Variants in ITGB1 observed in about 807,000 individuals in gnomAD.
The protein encoded by ITGB1 is integrin beta-1.
ITGB1 carries 24 observed loss-of-function variants against 86.5 expected under a neutral mutation model. That is an observed-to-expected ratio of 0.28 (90% CI 0.20 to 0.39). The LOEUF is 0.39. ITGB1 is among the 10% of genes least tolerant of loss of function. ITGB1 has a pLI of 1.00. For missense variants in ITGB1, 556 were observed against 946.9 expected, an observed-to-expected ratio of 0.59 and a Z score of 5.42; for synonymous variants, 323 against 316.8, an observed-to-expected ratio of 1.02 and a Z score of -0.21.
intron 11 of ITGB1, among the ~76,000 whole-genome samples, chr10:32,917,649 T>C (rs2094936149): frequency 6.6e-6 from 1 of 152,138 alleles, no homozygotes; most frequent in South Asian, 2.1e-4. Flanking sequence ...TGAGATACCA[T>C]CTCACACCAG....
At position 32,947,000 on chromosome 10, in the gene ITGB1, C is replaced by T. The variant is rs113311641; in HGVS notation, c.-1+11145G>A. 2.6e-4 allele frequency among the ~76,000 whole-genome samples: 40 copies of T among 152,028 alleles called. No individual in the cohort carries two copies. In the East Asian group the frequency reaches 6.0e-3, roughly 23 times the overall value. The stretch of plus-strand genomic sequence containing the variant: ...CTGGGATTACAGGCATGTGCCACCA[C>T]GGCTGGCTAATTTTTGTATTTTAGT... On this transcript the variant is annotated intron_variant, in intron 1 of 15. Coordinates refer to ENST00000302278, the MANE Select transcript of ITGB1 (RefSeq NM_002211.4).
rs370162481 is a variant in ITGB1, at chr10:32,945,077, C to A, written c.1-9519G>T. 1.1e-4 allele frequency: 53 copies of A among 471,954 alleles called. No individual in the cohort carries two copies. In the East Asian group the frequency reaches 1.4e-3, roughly 12 times the overall value. The allele number at this position is 471,954 out of a possible 1,614,324, so 29.2% of individuals were successfully genotyped here. A position where few individuals can be genotyped will look rare whatever the true frequency, so the allele number is the denominator to read the frequency against. ...AATTTAAAAACTGCTTTTCCTAAGACCTCCAGCATGTATGAATTCTTTGAA... is the reference window on the plus strand; with the variant it reads ...AATTTAAAAACTGCTTTTCCTAAGAACTCCAGCATGTATGAATTCTTTGAA... On this transcript the variant is annotated intron_variant, in intron 1 of 15. Transcript: ENST00000302278.
Position 32,906,724 on chromosome 10 carries a change from C to T in ITGB1, c.2331+1644G>A, listed in dbSNP as rs933403423. On this transcript the variant is annotated intron_variant, in intron 15 of 15. Transcript: ENST00000302278. ...AGTGCATTTGCCAAATACAACCACC[C>T]CATACAAAACAGAGTACTGACTCCC... The T allele has an allele frequency of 1.2e-5, 3 of 243,980 alleles. No individual in the cohort carries two copies. The Admixed American group carries it at 1.7e-4, about 14-fold the overall frequency. 15.1% of individuals were successfully genotyped at this position (243,980 alleles called of 1,614,324 possible).
At chr10:32,909,300 T>A (rs747707914) in intron 14 of ITGB1, among the ~76,000 whole-genome samples, 1 of 152,074 alleles carries the variant, frequency 6.6e-6, no homozygotes, top group Non-Finnish European at 1.5e-5. Flanking sequence ...GACACTGACA[T>A]GAAAAAAACT....
intron 11 of ITGB1, among the ~76,000 whole-genome samples, chr10:32,915,889 G>C (rs1238100569): frequency 6.6e-6 from 1 of 152,130 alleles, no homozygotes; most frequent in African/African-American, 2.4e-5. Flanking sequence ...CAATATCCCT[G>C]ATGAACATCG....
At chr10:32,935,629 T>G in intron 1 of ITGB1, 71 bp from the exon 2 acceptor site, 9 of 977,898 alleles carry the variant, frequency 9.2e-6, no homozygotes, top group Non-Finnish European at 1.4e-5. Flanking sequence ...TAGAAAGTAT[T>G]ACCCCACCGT....
intron 2 of ITGB1, chr10:32,933,276 T>C (rs902685864): frequency 6.6e-6 from 1 of 152,198 alleles, no homozygotes; most frequent in African/African-American, 2.4e-5. Context: ...CATTCTTGAC[T>C]GTCATAAATG....
intron 2 of ITGB1, 66 bp from the exon 3 acceptor site, chr10:32,932,666 A>C (rs1014570361): frequency 2.4e-5 from 23 of 944,844 alleles, no homozygotes; most frequent in Non-Finnish European, 3.8e-5. Flanking sequence ...ATGAAAAATC[A>C]GAATCACAAT....
intron 6 of ITGB1, among the ~76,000 whole-genome samples, chr10:32,925,660 T>C (rs2094962240): frequency 6.6e-6 from 1 of 152,236 alleles, no homozygotes; most frequent in Non-Finnish European, 1.5e-5. Flanking sequence ...ATGAATAAAC[T>C]AACTGTGTGG....
At chr10:32,927,360 G>C (rs1031799154) in intron 5 of ITGB1, among the ~76,000 whole-genome samples, 2 of 152,106 alleles carry the variant, frequency 1.3e-5, no homozygotes, top group Non-Finnish European at 2.9e-5. Context: ...TGCATGAAAT[G>C]GGAAAAATAA....
intron 1 of ITGB1, among the ~76,000 whole-genome samples, chr10:32,936,855 A>C (rs1269347479): frequency 6.6e-6 from 1 of 152,198 alleles, no homozygotes; most frequent in East Asian, 1.9e-4. Context: ...AAATTTATAC[A>C]AAAAAAGTTT....
chr10:32,912,505 G>T (rs1322169192), intron 11 of ITGB1, among the ~76,000 whole-genome samples: 1 of 152,172 alleles, frequency 6.6e-6, no homozygotes, highest in Admixed American at 6.5e-5. Flanking sequence ...TCCCGCGCCT[G>T]GCTCAGAGGG....
rs1186872641 is a variant in ITGB1, at chr10:32,947,432, CGTGTGTGTGTGTGT to C, written c.-1+10699_-1+10712del. Among the ~76,000 whole-genome samples the C allele has an allele frequency of 2.1e-4, 29 of 137,372 alleles. 1 individual carries two copies. The highest frequency in any genetic ancestry group is 3.6e-3 in the Middle Eastern group (1 of 280). The allele number at this position is 137,372 out of a possible 152,430, so 90.1% of individuals were successfully genotyped here. On this transcript the variant is annotated intron_variant, in intron 1 of 15. Coordinates refer to ENST00000302278, the MANE Select transcript of ITGB1 (RefSeq NM_002211.4). ...TAAAGCCAGGTGATTCACATATAGCCGTGTGTGTGTGTGTGTGTGTGTGTGTGTGTGTGTGTACG... is the reference window on the plus strand; with the variant it reads ...TAAAGCCAGGTGATTCACATATAGCCGTGTGTGTGTGTGTGTGTGTGTACG...
chr10:32,950,459 T>C (rs951257448), intron 1 of ITGB1, among the ~76,000 whole-genome samples: 4 of 152,138 alleles, frequency 2.6e-5, no homozygotes, highest in African/African-American at 7.2e-5. Context: ...TTTCCTTCCA[T>C]CTGGCAGGAA....
chr10:32,939,016 G>T (rs2095011417), intron 1 of ITGB1, among the ~76,000 whole-genome samples: 1 of 152,152 alleles, frequency 6.6e-6, no homozygotes, highest in South Asian at 2.1e-4. Context: ...CGCATGGAAG[G>T]GGAAGGAACA....
In ITGB1 at chr10:32,946,052, C is replaced by G. The variant is rs529318178; in HGVS notation, c.1-10494G>C. 1.2e-4 allele frequency among the ~76,000 whole-genome samples: 18 copies of G among 152,208 alleles called. No individual in the cohort carries two copies. The South Asian group carries it at 3.7e-3, about 32-fold the overall frequency. ...GCACCAAAGTTGAATGAATTTTCAA[C>G]AAAATATAATTGAAATCTATGTTTT... On this transcript the variant is annotated intron_variant, in intron 1 of 15. Transcript: ENST00000302278.
chr10:32,905,754 C>CCTGAGACACAGTGATTTTTATGT (rs367725146), intron 15 of ITGB1, among the ~76,000 whole-genome samples: 3 of 152,176 alleles, frequency 2.0e-5, no homozygotes, highest in African/African-American at 7.2e-5. Context: ...CAGAATCATG[C>CCTGAGACACAGTGATTTTTATGT]CTGAGACACA....
intron 15 of ITGB1, among the ~76,000 whole-genome samples, chr10:32,902,424 TTC>T (rs1481355900): frequency 6.6e-6 from 1 of 152,218 alleles, no homozygotes; most frequent in Non-Finnish European, 1.5e-5. Context: ...TCCTTAAAAA[TTC>T]TCTTATACTA....
chr10:32,922,017 A>G lies in ITGB1; in HGVS notation c.1128+240T>C, dbSNP rs144164306. Among the ~76,000 whole-genome samples the G allele has an allele frequency of 2.0e-5, 3 of 152,256 alleles. No homozygotes were observed. The East Asian group carries it at 5.8e-4, about 29-fold the overall frequency. On this transcript the variant is annotated intron_variant, in intron 9 of 15. Transcript: ENST00000302278. ...AGATCTATTCCTTAATGATAAACAAACAGTTATTTGGAAATACTCCCCACA... is the reference window on the plus strand; with the variant it reads ...AGATCTATTCCTTAATGATAAACAAGCAGTTATTTGGAAATACTCCCCACA...
Sources: allele counts gnomAD v4.1 joint callset (sites outside exome capture counted in the v4.1 genomes callset), GRCh38; gene constraint gnomAD v4.1.1; transcripts MANE v1.5; gene names NCBI Gene and HGNC (gene_info 2026-07-23, HGNC 2026-07-21).